The following CACNA1E variants were observed in gnomAD, a reference collection of about 807,000 sequenced individuals.
The protein encoded by CACNA1E is calcium voltage-gated channel subunit alpha1 E.
Under a neutral mutation model 259.2 loss-of-function variants are expected in CACNA1E, and 40 were observed. The observed-to-expected ratio is 0.15, with a 90% CI of 0.12 to 0.20. CACNA1E has a LOEUF of 0.20. Ranked by LOEUF, CACNA1E falls within the 10% of genes least tolerant of loss-of-function variation. The pLI is 1.00. For missense variants in CACNA1E, 1,874 were observed against 3,040.1 expected (o/e 0.62, Z 9.02); for synonymous variants, 1,104 against 1,138.5 (o/e 0.97, Z 0.61).
At chr1:181,705,283 T>G (rs936592095) in intron 7 of CACNA1E, among the ~76,000 whole-genome samples, 2 of 152,222 alleles carry the variant, frequency 1.3e-5, no homozygotes, top group Non-Finnish European at 2.9e-5. Context: ...CTACCTTGTA[T>G]GAGATTATGT....
In CACNA1E at chr1:181,424,530, G is replaced by A. The variant is rs949003556; in HGVS notation, c.434+10950G>A. The stretch of plus-strand genomic sequence containing the variant: ...GTTTTCTGTGCTTGCAGTGGAGACC[G>A]CCTGTGACAAGGAGGGTCCTGTACT... On this transcript the variant is annotated intron_variant, in intron 2 of 11. Coordinates refer to the CACNA1E transcript ENST00000524607. Among the ~76,000 whole-genome samples the A allele has an allele frequency of 3.3e-5, 5 of 152,216 alleles. No individual in the cohort carries two copies. The East Asian group carries it at 9.6e-4, about 29-fold the overall frequency.
At chr1:181,705,752 C>A (rs1278212347) in intron 7 of CACNA1E, among the ~76,000 whole-genome samples, 1 of 152,222 alleles carries the variant, frequency 6.6e-6, no homozygotes, top group Non-Finnish European at 1.5e-5. Flanking sequence ...TTATGGGAAT[C>A]TAGTCAGGAC....
chr1:181,507,878 T>A (rs1358849134), intron 1 of CACNA1E, among the ~76,000 whole-genome samples: 1 of 152,186 alleles, frequency 6.6e-6, no homozygotes, highest in Non-Finnish European at 1.5e-5. Context: ...CGTTTCCAGC[T>A]GTGAGGAGTG....
At chr1:181,642,536 C>T (rs757423607) in intron 6 of CACNA1E, among the ~76,000 whole-genome samples, 4 of 152,162 alleles carry the variant, frequency 2.6e-5, no homozygotes, top group African/African-American at 9.7e-5. Context: ...TACTCTTTTG[C>T]GTTTCTGATA....
chr1:181,583,103 T>TAA (rs1651704448), intron 6 of CACNA1E, among the ~76,000 whole-genome samples: 2 of 145,090 alleles, frequency 1.4e-5, no homozygotes, highest in East Asian at 4.0e-4. Context: ...GGACTGTTCC[T>TAA]ACACACACAC....
intron 38 of CACNA1E, among the ~76,000 whole-genome samples, chr1:181,778,213 G>A (rs199933): frequency 0.24 from 37,047 of 152,098 alleles, 4,579 homozygotes; most frequent in South Asian, 0.36. Flanking sequence ...ATGTGAGCCA[G>A]TGTCTTCAAA....
intron 1 of CACNA1E, among the ~76,000 whole-genome samples, chr1:181,330,770 CT>C (rs1651197814): frequency 1.3e-5 from 2 of 152,202 alleles, no homozygotes; most frequent in African/African-American, 4.8e-5. Context: ...GGTCCTAGCT[CT>C]CCCAATTATT....
At chr1:181,425,721 GTCC>G (rs774734717) in intron 2 of CACNA1E, among the ~76,000 whole-genome samples, 5 of 152,088 alleles carry the variant, frequency 3.3e-5, no homozygotes, top group Non-Finnish European at 5.9e-5. Context: ...CAGCCACACT[GTCC>G]TCCTTCTCTT....
intron 1 of CACNA1E, among the ~76,000 whole-genome samples, chr1:181,371,288 A>G (rs1033871927): frequency 6.6e-6 from 1 of 151,386 alleles, no homozygotes; most frequent in African/African-American, 2.4e-5. Context: ...GTTTATTTTT[A>G]TTTTTTGCCA....
chr1:181,702,233 G>A (rs1297307630), intron 7 of CACNA1E, among the ~76,000 whole-genome samples: 1 of 151,780 alleles, frequency 6.6e-6, no homozygotes, highest in Non-Finnish European at 1.5e-5. Flanking sequence ...AAAACTTTGG[G>A]GTCATCTTGG....
intron 2 of CACNA1E, among the ~76,000 whole-genome samples, chr1:181,434,590 A>G (rs1372194532): frequency 6.6e-6 from 1 of 152,128 alleles, no homozygotes; most frequent in East Asian, 1.9e-4. Flanking sequence ...GAGCTTTCTG[A>G]GTTAGGTGAT....
In CACNA1E at chr1:181,646,602, G is replaced by T. The variant is rs575211609; in HGVS notation, c.952-4736G>T. ...CTCTGTGAAGAGGGTGCACAGACAG[G>T]GAGAATGTTTTCCATGGAGCCCTGG... is the stretch of plus-strand genomic sequence containing the variant. On this transcript the variant is annotated intron_variant, in intron 6 of 47. Transcript: ENST00000367573. 2.0e-5 allele frequency among the ~76,000 whole-genome samples: 3 copies of T among 152,302 alleles called. No individual in the cohort carries two copies. In the East Asian group the frequency reaches 5.8e-4, roughly 29 times the overall value.
At chr1:181,746,668 CT>C (rs1415192596) in intron 25 of CACNA1E, among the ~76,000 whole-genome samples, 6 of 151,794 alleles carry the variant, frequency 4.0e-5, no homozygotes, top group Admixed American at 6.6e-5. Context: ...TCATCTGTAA[CT>C]TTTTTTTTCC....
chr1:181,676,476 C>T (rs1649389401), intron 7 of CACNA1E, among the ~76,000 whole-genome samples: 1 of 152,010 alleles, frequency 6.6e-6, no homozygotes, highest in Admixed American at 6.6e-5. Flanking sequence ...CTGCTGCCCC[C>T]TTGTGCTTGT....
At chr1:181,623,826 T>C (rs1276895290) in intron 6 of CACNA1E, among the ~76,000 whole-genome samples, 1 of 152,238 alleles carries the variant, frequency 6.6e-6, no homozygotes, top group Non-Finnish European at 1.5e-5. Flanking sequence ...GCCTCAATGT[T>C]GATGGCTGTT....
At chr1:181,331,257 A>G (rs970823688) in intron 1 of CACNA1E, among the ~76,000 whole-genome samples, 1 of 152,066 alleles carries the variant, frequency 6.6e-6, no homozygotes, top group Non-Finnish European at 1.5e-5. Flanking sequence ...CTTTCTATCT[A>G]CCTATTTTAG....
intron 7 of CACNA1E, among the ~76,000 whole-genome samples, chr1:181,686,688 T>C (rs1286608368): frequency 1.3e-5 from 2 of 152,124 alleles, no homozygotes; most frequent in African/African-American, 2.4e-5. Context: ...TTAATCTTCA[T>C]AGATATCCAG....
At chr1:181,340,391 C>T (rs1652062420) in intron 1 of CACNA1E, among the ~76,000 whole-genome samples, 1 of 151,966 alleles carries the variant, frequency 6.6e-6, no homozygotes, top group African/African-American at 2.4e-5. Flanking sequence ...ATTTTTGATA[C>T]ATTTCTTTTT....
At chr1:181,322,571 TTATGAA>T (rs1159626547) in intron 1 of CACNA1E, among the ~76,000 whole-genome samples, 2 of 152,162 alleles carry the variant, frequency 1.3e-5, no homozygotes, top group African/African-American at 4.8e-5. Context: ...AAAACTGGTG[TTATGAA>T]TGTCATCCTC....
Sources: gnomAD v4.1 joint callset for allele counts (sites outside exome capture counted in the v4.1 genomes callset) on GRCh38, gnomAD v4.1.1 for gene constraint, MANE v1.5 for transcripts, NCBI Gene and HGNC (gene_info 2026-07-23, HGNC 2026-07-21) for gene names.